The following INPP5K variants were observed in gnomAD, a reference collection of about 807,000 sequenced individuals.
INPP5K encodes inositol polyphosphate 5-phosphatase K.
Under a neutral mutation model 53.5 loss-of-function variants are expected in INPP5K, and 35 were observed. The ratio of observed to expected loss-of-function variants is 0.65; its 90% CI spans 0.50 to 0.87. The LOEUF (loss-of-function observed/expected upper bound fraction) is 0.87. Ranked by LOEUF, INPP5K falls within the 40% of genes least tolerant of loss-of-function variation. The pLI, the probability that INPP5K is intolerant of heterozygous loss-of-function variation, is 0.00. For synonymous variants in INPP5K, 253 were observed against 232.8 expected (o/e 1.09, Z -0.79); for missense variants, 550 against 586.2 (o/e 0.94, Z 0.64).
intron 6 of INPP5K, 39 bp from the exon 7 acceptor site, chr17:1,507,128 C>T (rs200437923): frequency 5.3e-6 from 8 of 1,520,018 alleles, no homozygotes; most frequent in Middle Eastern, 1.7e-4. Flanking sequence ...CCAGTAGTCT[C>T]GACCCAGTGG....
At chr17:1,498,214 C>G in intron 7 of INPP5K, 92 bp from the exon 8 acceptor site, 1 of 1,138,650 alleles carries the variant, frequency 8.8e-7, no homozygotes, top group Non-Finnish European at 1.2e-6. Context: ...TTGCTGGAGC[C>G]CCTAACTCCA....
At chr17:1,512,603 G>C (rs2075334668) in intron 3 of INPP5K, among the ~76,000 whole-genome samples, 1 of 152,158 alleles carries the variant, frequency 6.6e-6, no homozygotes, top group African/African-American at 2.4e-5. Context: ...GCTGTGAATG[G>C]GAGTGTGTTT....
At chr17:1,516,143 T>C (rs920112560) in intron 1 of INPP5K, 1 of 1,275,774 alleles carries the variant, frequency 7.8e-7, no homozygotes, top group African/African-American at 1.6e-5. Flanking sequence ...GAAAAAGATT[T>C]CTAACCGAGA....
intron 7 of INPP5K, among the ~76,000 whole-genome samples, chr17:1,506,550 C>T (rs960908502): frequency 2.6e-5 from 4 of 152,246 alleles, no homozygotes; most frequent in Admixed American, 2.0e-4. Flanking sequence ...TACTACTTCA[C>T]CTTCTCACAC....
intron 7 of INPP5K, among the ~76,000 whole-genome samples, chr17:1,500,532 C>T (rs1567550641): frequency 6.6e-6 from 1 of 151,940 alleles, no homozygotes. Context: ...GCCTGGCTAA[C>T]TTTTTTGTAT....
In INPP5K at chr17:1,498,539, G is replaced by A. The variant is rs564520981; in HGVS notation, c.777-417C>T. Among the ~76,000 whole-genome samples the A allele has an allele frequency of 7.9e-4, 120 of 152,272 alleles. 1 individual carries two copies. The highest frequency in any genetic ancestry group is 1.7e-3 in the South Asian group (8 of 4,828). ...GTATGCCTCAGGAAAGGGAAGGGAAGCATTTAGGAAATGCTTACCAGAGGA... is the reference window on the plus strand; with the variant it reads ...GTATGCCTCAGGAAAGGGAAGGGAAACATTTAGGAAATGCTTACCAGAGGA... On this transcript the variant is annotated intron_variant, in intron 7 of 11. Coordinates refer to ENST00000421807, the MANE Select transcript of INPP5K (RefSeq NM_016532.4).
Position 1,507,091 on chromosome 17 carries a change from T to C in INPP5K, c.667-2A>G. The C allele has an allele frequency of 1.9e-6, 3 of 1,613,356 alleles. No individual in the cohort carries two copies. The highest frequency in any genetic ancestry group is 2.5e-6 in the Non-Finnish European group (3 of 1,179,376). Reference sequence around the variant, plus strand: ...GTCATGTTTCTTGGCAATGCTGAGCTGCAGACAAAGTCATAGTCCCCGTCT... The same window carrying C: ...GTCATGTTTCTTGGCAATGCTGAGCCGCAGACAAAGTCATAGTCCCCGTCT... On this transcript the variant is annotated splice_acceptor_variant, in intron 6 of 11. Transcript: ENST00000421807. LOFTEE classifies it high-confidence loss of function.
intron 7 of INPP5K, among the ~76,000 whole-genome samples, chr17:1,500,001 G>A (rs544615125): frequency 1.3e-5 from 2 of 151,982 alleles, no homozygotes; most frequent in South Asian, 4.2e-4. Context: ...CAGGCTGAGT[G>A]CGGTGGCACA....
In INPP5K at chr17:1,513,999, G is replaced by A. The variant is rs760794108; in HGVS notation, c.45-20C>T. The A allele has an allele frequency of 3.9e-6, 6 of 1,555,710 alleles. No individual in the cohort carries two copies. The highest frequency in any genetic ancestry group is 1.1e-5 in the South Asian group (1 of 88,440). ...TGTATGCTGCGGAAGGGATGCAGAG[G>A]GAAGTCATGGAGGAAGGAGGATAAG... On this transcript the variant is annotated intron_variant, in intron 1 of 11. Coordinates refer to ENST00000421807, the MANE Select transcript of INPP5K (RefSeq NM_016532.4).
At chr17:1,513,750 C>A in intron 2 of INPP5K, 122 bp downstream of exon 2, 1 of 903,772 alleles carries the variant, frequency 1.1e-6, no homozygotes, top group East Asian at 2.5e-5. Context: ...GGGACTGTCC[C>A]TGAAGCAGGC....
intron 7 of INPP5K, among the ~76,000 whole-genome samples, chr17:1,503,547 T>C (rs1041709058): frequency 5.9e-5 from 9 of 152,068 alleles, no homozygotes; most frequent in East Asian, 1.9e-4. Flanking sequence ...AAACCTCATC[T>C]CTACTAAAAA....
chr17:1,516,186 C>T, intron 1 of INPP5K: 7 of 1,052,546 alleles, frequency 6.7e-6, no homozygotes, highest in Non-Finnish European at 8.9e-6. Flanking sequence ...ATGTCTTTAA[C>T]CTCAAACAAC....
rs919445309 is a variant in INPP5K at position 1,513,535 on chromosome 17, A to C, written c.179T>G (p.Ile60Arg). ...IGLQELNSGI[I>R]SLLSDAAFND... Reference sequence around the variant, plus strand: ...AAAGGCAGCATCGGAAAGGAGGCTTATGATCCCAGAGTTCAATTCCTGCAA... The same window carrying C: ...AAAGGCAGCATCGGAAAGGAGGCTTCTGATCCCAGAGTTCAATTCCTGCAA... Residue 60 changes from isoleucine (I) to arginine (R), a missense_variant, in exon 3 of 12, where the codon ATA becomes AGA. Transcript: ENST00000421807. 8.7e-6 allele frequency: 14 copies of C among 1,614,144 alleles called. No homozygotes were observed. The highest frequency in any genetic ancestry group is 1.1e-5 in the Non-Finnish European group (13 of 1,180,042).
intron 7 of INPP5K, among the ~76,000 whole-genome samples, chr17:1,500,393 C>A (rs2074976522): frequency 2.7e-5 from 4 of 150,070 alleles, no homozygotes; most frequent in Admixed American, 2.7e-4. Flanking sequence ...GAGACGGAGT[C>A]TCGCTCTGTT....
chr17:1,498,038 T>C lies in INPP5K; in HGVS notation c.861A>G (p.Ile287Met), dbSNP rs2074905748. Residue 287 changes from isoleucine to methionine, a missense_variant, in exon 8 of 12, where the codon ATA (isoleucine) becomes ATG (methionine). Ile to Met is a conservative substitution (Grantham distance 10, BLOSUM62 1). Transcript: ENST00000421807. ...RQPCAGPDTPIPPASHFSLSL... is the reference protein window; with the variant it reads ...RQPCAGPDTPMPPASHFSLSL... ...ACAAGGAGAAGTGTGACGCCGGCGG[T>C]ATGGGAGTGTCGGGGCCAGCACAGG... The C allele has an allele frequency of 6.2e-7, 1 of 1,613,784 alleles. No individual in the cohort carries two copies. The highest frequency in any genetic ancestry group is 1.3e-5 in the African/African-American group (1 of 74,830).
At chr17:1,507,364 TA>T (rs1384254846) in intron 6 of INPP5K, 1 of 427,548 alleles carries the variant, frequency 2.3e-6, no homozygotes, top group East Asian at 4.0e-5. Context: ...ATTCCATCTC[TA>T]GGGGAGATCA....
At position 1,516,581 on chromosome 17, in the gene INPP5K, G is replaced by T. The variant is rs1243306180; in HGVS notation, c.-82C>A. ...TCCCGGCCAGAGCAGCCCTGCGGGC[G>T]GCCGGTCTCACGCGCCTAGCTGTCG... On this transcript the variant is annotated 5_prime_UTR_variant, in exon 1 of 12. Coordinates refer to ENST00000421807, the MANE Select transcript of INPP5K (RefSeq NM_016532.4). 1 of 1,440,410 alleles carries T rather than the reference G, an allele frequency of 6.9e-7. No homozygotes were observed. The highest frequency in any genetic ancestry group is 2.9e-5 in the East Asian group (1 of 35,014). The allele number at this position is 1,440,410 out of a possible 1,614,324, so 89.2% of individuals were successfully genotyped here.
intron 5 of INPP5K, chr17:1,508,491 C>G: frequency 2.2e-6 from 1 of 445,598 alleles, no homozygotes; most frequent in South Asian, 2.3e-5. Flanking sequence ...TAACTGGTCA[C>G]GAGGAAAGGC....
In INPP5K at chr17:1,494,940, G is replaced by C. The variant is rs2074788093; in HGVS notation, c.*883C>G. 1.3e-5 allele frequency: 2 copies of C among 152,336 alleles called. No individual in the cohort carries two copies. The highest frequency in any genetic ancestry group is 1.9e-4 in the East Asian group (1 of 5,202). 9.4% of individuals were successfully genotyped at this position (152,336 alleles called of 1,614,324 possible). A position where few individuals can be genotyped will look rare whatever the true frequency, so the allele number is the denominator to read the frequency against. ...TCCCTTCTGCCTGCCCCCACTCTGA[G>C]GTCCCGGGGGGTCCAGGGGGGGCCC... is the stretch of plus-strand genomic sequence containing the variant. On this transcript the variant is annotated 3_prime_UTR_variant, in exon 12 of 12. Transcript: ENST00000421807.
Sources: allele counts gnomAD v4.1 joint callset (sites outside exome capture counted in the v4.1 genomes callset), GRCh38; gene constraint gnomAD v4.1.1; transcripts MANE v1.5; gene names NCBI Gene and HGNC (gene_info 2026-07-23, HGNC 2026-07-21).